Variants in AXDND1 observed in about 807,000 individuals in gnomAD.
AXDND1 encodes axonemal dynein light chain domain containing 1.
A neutral mutation model predicts 137.5 loss-of-function variants in AXDND1; 110 were observed. That is an observed-to-expected ratio of 0.80 (90% CI 0.69 to 0.94). The LOEUF (loss-of-function observed/expected upper bound fraction) is 0.94, where lower values mean the gene tolerates loss of function less well. AXDND1 is among the 40% of genes least tolerant of loss of function. The pLI is 0.00. For synonymous variants in AXDND1, 414 were observed against 399.7 expected (o/e 1.04, Z -0.43); for missense variants, 1,191 against 1,169.8 (o/e 1.02, Z -0.26).
At chr1:179,369,031 C>A in intron 3 of AXDND1, 59 bp downstream of exon 3, 2 of 1,452,784 alleles carry the variant, frequency 1.4e-6, no homozygotes, top group Non-Finnish European at 1.9e-6. Context: ...TCTGATTATT[C>A]TTTAAGTATT....
At chr1:179,450,095 C>T (rs1660349909) in intron 16 of AXDND1, 1 of 143,482 alleles carries the variant, frequency 7.0e-6, no homozygotes, top group South Asian at 2.2e-4. Flanking sequence ...CCTCTGCTGC[C>T]TGGGTTCAAG....
At chr1:179,543,083 A>G (rs1672317456) in intron 25 of AXDND1, 1 of 152,234 alleles carries the variant, frequency 6.6e-6, no homozygotes, top group Non-Finnish European at 1.5e-5. Flanking sequence ...ATTTATATAT[A>G]TTAGTGCAAT....
At chr1:179,383,384 A>T in intron 7 of AXDND1, 58 bp from the exon 8 acceptor site, 1 of 1,291,280 alleles carries the variant, frequency 7.7e-7, no homozygotes. Context: ...TCTTTTTGCC[A>T]TTTGAGAATT....
chr1:179,465,390 C>T (rs1037986506), intron 16 of AXDND1, among the ~76,000 whole-genome samples: 8 of 152,234 alleles, frequency 5.3e-5, no homozygotes, highest in South Asian at 2.1e-4. Flanking sequence ...AGGTCCACTC[C>T]AGACCCTGTT....
intron 20 of AXDND1, 65 bp downstream of exon 20, chr1:179,493,016 T>C (rs960508890): frequency 2.8e-6 from 3 of 1,084,792 alleles, no homozygotes; most frequent in African/African-American, 3.2e-5. Context: ...ATTTTTGAAG[T>C]TCAATTGATG....
intron 21 of AXDND1, among the ~76,000 whole-genome samples, chr1:179,515,021 G>C (rs2125655973): frequency 6.6e-6 from 1 of 152,240 alleles, no homozygotes; most frequent in African/African-American, 2.4e-5. Context: ...CTGCAGTTTT[G>C]TATCTTTTAG....
intron 9 of AXDND1, among the ~76,000 whole-genome samples, chr1:179,390,917 C>T (rs1650066689): frequency 6.6e-6 from 1 of 152,142 alleles, no homozygotes; most frequent in Non-Finnish European, 1.5e-5. Context: ...AGTGATTCTC[C>T]TGTCTCAGCC....
intron 21 of AXDND1, among the ~76,000 whole-genome samples, chr1:179,517,927 C>G (rs1442952179): frequency 6.6e-6 from 1 of 152,238 alleles, no homozygotes; most frequent in Admixed American, 6.5e-5. Flanking sequence ...ACACACTGCT[C>G]TGTCCATCTG....
Position 179,554,332 on chromosome 1 carries a change from A to C in AXDND1, c.3032-180A>C, listed in dbSNP as rs1334998871. On this transcript the variant is annotated intron_variant, in intron 25 of 25. Coordinates refer to ENST00000367618, the MANE Select transcript of AXDND1 (RefSeq NM_144696.6). ...GATTGTGTTATGGCTGTAAGATATTAGGTGATTTGTTTCTCTTTTTTATAA... is the reference window on the plus strand; with the variant it reads ...GATTGTGTTATGGCTGTAAGATATTCGGTGATTTGTTTCTCTTTTTTATAA... 3 of 860,434 alleles carry C rather than the reference A, an allele frequency of 3.5e-6. No homozygotes were observed. The South Asian group carries it at 5.1e-5, about 15-fold the overall frequency. 53.3% of individuals were successfully genotyped at this position (860,434 alleles called of 1,614,324 possible). A position where few individuals can be genotyped will look rare whatever the true frequency, so the allele number is the denominator to read the frequency against.
Position 179,528,375 on chromosome 1 carries a change from G to T in AXDND1, c.2659G>T (p.Glu887Ter), listed in dbSNP as rs2125693841. The T allele has an allele frequency of 6.2e-7, 1 of 1,613,998 alleles. No individual in the cohort carries two copies. Among genetic ancestry groups the T allele is most frequent in the Non-Finnish European group, 8.5e-7 (1 of 1,179,900 alleles). Residue 887 changes from glutamate to a stop codon, truncating the protein, a stop_gained, in exon 23 of 26, where the codon GAA becomes TAA. Transcript: ENST00000367618. LOFTEE classifies it high-confidence loss of function. ...EKEKLIRFIG[E>*]DENVHSKPLF... ...GGAAAAACTCATTCGATTCATTGGA[G>T]AAGATGAAAATGTTCATTCCAAACC... is the stretch of plus-strand genomic sequence containing the variant.
chr1:179,475,407 C>G (rs1664488954), intron 17 of AXDND1, among the ~76,000 whole-genome samples: 2 of 152,156 alleles, frequency 1.3e-5, no homozygotes, highest in African/African-American at 4.8e-5. Context: ...TGGAGCTGCC[C>G]AGGCCTATGG....
At chr1:179,390,265 C>T (rs1468839002) in intron 9 of AXDND1, among the ~76,000 whole-genome samples, 1 of 152,164 alleles carries the variant, frequency 6.6e-6, no homozygotes, top group African/African-American at 2.4e-5. Flanking sequence ...CTACCTGCCT[C>T]GGTCTCCCAG....
At chr1:179,366,648 T>C (rs2125028109) in intron 2 of AXDND1, 42 bp downstream of exon 2, 1 of 1,518,338 alleles carries the variant, frequency 6.6e-7, no homozygotes, top group Non-Finnish European at 9.1e-7. Flanking sequence ...GTCATGGCCG[T>C]AAGACAGAAA....
At chr1:179,424,144 T>C (rs77679967) in intron 12 of AXDND1, among the ~76,000 whole-genome samples, 4 of 76,244 alleles carry the variant, frequency 5.2e-5, no homozygotes, top group Admixed American at 2.3e-4. Context: ...TTTGTTCGTT[T>C]GTTTGTTTGT....
intron 17 of AXDND1, among the ~76,000 whole-genome samples, chr1:179,468,916 T>C (rs989440861): frequency 6.6e-6 from 1 of 150,898 alleles, no homozygotes; most frequent in African/African-American, 2.5e-5. Flanking sequence ...CTTTGTTGAT[T>C]GTATTGTTAT....
intron 25 of AXDND1, among the ~76,000 whole-genome samples, chr1:179,542,905 G>A (rs12135209): frequency 0.1 from 15,760 of 152,188 alleles, 1,147 homozygotes; most frequent in East Asian, 0.35. Flanking sequence ...AAGATGAGAC[G>A]CCTTGCAAAG....
chr1:179,373,968 T>A (rs1390221136), intron 4 of AXDND1, among the ~76,000 whole-genome samples: 1 of 151,996 alleles, frequency 6.6e-6, no homozygotes, highest in African/African-American at 2.4e-5. Context: ...AAAACCAAAA[T>A]TGACAAATGG....
At chr1:179,540,665 G>A (rs1448077532) in intron 25 of AXDND1, among the ~76,000 whole-genome samples, 1 of 152,182 alleles carries the variant, frequency 6.6e-6, no homozygotes, top group Non-Finnish European at 1.5e-5. Flanking sequence ...CAGGCTACAC[G>A]GGGGTCAGGG....
At chr1:179,522,632 A>G (rs1322914570) in intron 21 of AXDND1, among the ~76,000 whole-genome samples, 1 of 151,902 alleles carries the variant, frequency 6.6e-6, no homozygotes, top group Admixed American at 6.6e-5. Context: ...AAAGCAGATT[A>G]TAGAATATAA....
Sources: allele counts gnomAD v4.1 joint callset (sites outside exome capture counted in the v4.1 genomes callset), GRCh38; gene constraint gnomAD v4.1.1; transcripts MANE v1.5; gene names NCBI Gene and HGNC (gene_info 2026-07-23, HGNC 2026-07-21).